PMP22: variants seen among roughly 807,000 people sequenced by gnomAD.
PMP22 encodes the protein peripheral myelin protein 22, also known as Charcot-Marie-Tooth neuropathy 1A (greatly reduced nerve conduction velocity, hereditary motor sensory neuropathy Ia).
PMP22 carries 2 observed loss-of-function variants against 18.9 expected under a neutral mutation model. The ratio of observed to expected loss-of-function variants is 0.11; its 90% CI spans 0.04 to 0.33. The LOEUF is 0.33. Ranked by LOEUF, PMP22 falls within the 10% of genes least tolerant of loss-of-function variation. The pLI, the probability that PMP22 is intolerant of heterozygous loss-of-function variation, is 1.00. For missense variants in PMP22, 169 were observed against 202.2 expected, an observed-to-expected ratio of 0.84 and a Z score of 1.00; for synonymous variants, 95 against 89.2, an observed-to-expected ratio of 1.07 and a Z score of -0.37.
chr17:15,239,789 C>T (rs1597608514), intron 3 of PMP22, among the ~76,000 whole-genome samples, 178 bp from the exon 4 acceptor site: 1 of 152,332 alleles, frequency 6.6e-6, no homozygotes, highest in East Asian at 1.9e-4. Flanking sequence ...TCTAAGAAGA[C>T]ATTCTTTATT....
In PMP22 at chr17:15,244,502, T is replaced by G. The variant is rs148304811; in HGVS notation, c.179-4891A>C. ...TATCTACTATATCCTGGAAAAACAGTGAACATATACTCAGAGGAAAATAAA... is the reference window on the plus strand; with the variant it reads ...TATCTACTATATCCTGGAAAAACAGGGAACATATACTCAGAGGAAAATAAA... On this transcript the variant is annotated intron_variant, in intron 3 of 4. Transcript: ENST00000312280. 2.3e-3 allele frequency among the ~76,000 whole-genome samples: 349 copies of G among 152,270 alleles called. 5 individuals are homozygous for G. Among genetic ancestry groups the G allele is most frequent in the Admixed American group, 0.018 (281 of 15,290 alleles).
chr17:15,231,375 C>T (rs1292861961), intron 4 of PMP22, among the ~76,000 whole-genome samples: 1 of 152,206 alleles, frequency 6.6e-6, no homozygotes, highest in African/African-American at 2.4e-5. Flanking sequence ...GGCCACACTA[C>T]ATGGCCAGCA....
chr17:15,238,805 C>A (rs779896639), intron 4 of PMP22, among the ~76,000 whole-genome samples: 2 of 152,194 alleles, frequency 1.3e-5, no homozygotes, highest in South Asian at 4.1e-4. Flanking sequence ...AAAGAGGGAA[C>A]TTGAAGACAG....
rs76651623 is a variant in PMP22, at chr17:15,258,630, C to G, written c.178+464G>C. The G allele has an allele frequency of 0.01, 2,289 of 219,588 alleles. 170 individuals carry two copies. In the East Asian group the frequency reaches 0.16, roughly 15 times the overall value. The allele number at this position is 219,588 out of a possible 1,614,324, so 13.6% of individuals were successfully genotyped here. On this transcript the variant is annotated intron_variant, in intron 3 of 4. Transcript: ENST00000312280. The surrounding 1 kb of genome is among the most constrained non-coding windows in gnomAD (Gnocchi z 4.1). ...GAGGCCCAAGACCTGGAAAGGCAGCCAGTCTTGTGTCCATGTAACTGACGG... is the reference window on the plus strand; with the variant it reads ...GAGGCCCAAGACCTGGAAAGGCAGCGAGTCTTGTGTCCATGTAACTGACGG...
Position 15,231,064 on chromosome 17 carries a change from A to G in PMP22, c.336T>C (p.Ser112=). The change falls in exon 5 of 5, where the codon AGT becomes AGC. Residue 112 remains serine (S), a synonymous_variant. Transcript: ENST00000312280. ...FQILAGLCVM[S]AAAIYTVRHP... ...GCCTCACCGTGTAGATGGCCGCAGC[A>G]CTCATCACGCACAGACCTGGGGAAG... 6.2e-7 allele frequency: 1 copy of G among 1,613,464 alleles called. No homozygotes were observed. Among genetic ancestry groups the G allele is most frequent in the South Asian group, 1.1e-5 (1 of 91,034 alleles).
chr17:15,249,531 CA>C (rs1908137638), intron 3 of PMP22, among the ~76,000 whole-genome samples: 1 of 152,142 alleles, frequency 6.6e-6, no homozygotes, highest in South Asian at 2.1e-4. Context: ...TTAGAATCCA[CA>C]AAAACTAGAG....
At chr17:15,262,749 G>A (rs1478855677) in intron 1 of PMP22, among the ~76,000 whole-genome samples, 1 of 152,322 alleles carries the variant, frequency 6.6e-6, no homozygotes, top group African/African-American at 2.4e-5. Context: ...CAAAACCGCG[G>A]CGACTTTTAC....
At chr17:15,259,275 G>A (rs1056839141) in intron 2 of PMP22, 82 bp from the exon 3 acceptor site, 2 of 1,122,532 alleles carry the variant, frequency 1.8e-6, no homozygotes, top group Admixed American at 1.8e-5. Context: ...GCCCAGGGAT[G>A]GCGAAAAGCA....
rs1906207950 is a variant in PMP22 at position 15,230,463 on chromosome 17, G to A, written c.*454C>T. 1 of 186,142 alleles carries A rather than the reference G, an allele frequency of 5.4e-6. No homozygotes were observed. The highest frequency in any genetic ancestry group is 1.1e-5 in the Non-Finnish European group (1 of 87,930). 11.5% of individuals were successfully genotyped at this position (186,142 alleles called of 1,614,324 possible). A position where few individuals can be genotyped will look rare whatever the true frequency, so the allele number is the denominator to read the frequency against. ...AGAAAAGGGCTTTTGGACATTTGGG[G>A]TTTCTACCCACACTTTGGTTTTCTA... On this transcript the variant is annotated 3_prime_UTR_variant, in exon 5 of 5. Coordinates refer to ENST00000312280, the MANE Select transcript of PMP22 (RefSeq NM_000304.4).
intron 2 of PMP22, among the ~76,000 whole-genome samples, chr17:15,259,767 C>G (rs1293597130): frequency 6.6e-6 from 1 of 150,918 alleles, no homozygotes; most frequent in Non-Finnish European, 1.5e-5. Context: ...TAGTGAAACC[C>G]CGTCTCTACT....
At chr17:15,245,108 G>A (rs1907688899) in intron 3 of PMP22, among the ~76,000 whole-genome samples, 1 of 152,100 alleles carries the variant, frequency 6.6e-6, no homozygotes, top group Admixed American at 6.5e-5. Context: ...AAAAAAAACA[G>A]AGCCCAGCCC....
At chr17:15,260,196 C>A (rs1410764424) in intron 2 of PMP22, 1 of 253,926 alleles carries the variant, frequency 3.9e-6, no homozygotes, top group African/African-American at 2.2e-5. Flanking sequence ...CGACATGGGA[C>A]CTGTGAACTC....
intron 4 of PMP22, among the ~76,000 whole-genome samples, chr17:15,231,969 G>A (rs560589430): frequency 6.6e-6 from 1 of 152,216 alleles, no homozygotes; most frequent in South Asian, 2.1e-4. Flanking sequence ...CCCCCACAAG[G>A]AGGGGTCCAG....
intron 3 of PMP22, among the ~76,000 whole-genome samples, chr17:15,257,820 G>A (rs1222019297): frequency 6.6e-6 from 1 of 152,194 alleles, no homozygotes; most frequent in African/African-American, 2.4e-5. Context: ...CAACCCAGAA[G>A]GTAAAAACAT....
chr17:15,256,924 G>A lies in PMP22; in HGVS notation c.178+2170C>T, dbSNP rs915028282. Among the ~76,000 whole-genome samples, 17 of 152,166 alleles carry A rather than the reference G, an allele frequency of 1.1e-4. 1 individual carries two copies. Among genetic ancestry groups the A allele is most frequent in the Admixed American group, 1.0e-3 (16 of 15,284 alleles). ...TAGCGGCAGAGATAACCACTACTGG[G>A]GAAGTGTAAATGGAAATTTCAAATT... On this transcript the variant is annotated intron_variant, in intron 3 of 4. Transcript: ENST00000312280.
At chr17:15,239,447 T>A (rs959325953) in intron 4 of PMP22, 24 bp downstream of exon 4, 1 of 1,614,078 alleles carries the variant, frequency 6.2e-7, no homozygotes, top group East Asian at 2.2e-5. Context: ...CGCTTCCACA[T>A]GGACTTTACC....
intron 3 of PMP22, among the ~76,000 whole-genome samples, chr17:15,249,902 G>A (rs1320745911): frequency 1.3e-5 from 2 of 152,152 alleles, no homozygotes; most frequent in African/African-American, 2.4e-5. Context: ...AAGAGGGGCA[G>A]TGTTGGGTTT....
At chr17:15,238,361 G>C (rs184462657) in intron 4 of PMP22, among the ~76,000 whole-genome samples, 2 of 152,106 alleles carry the variant, frequency 1.3e-5, no homozygotes, top group African/African-American at 4.8e-5. Flanking sequence ...CCCTATTTAC[G>C]TCAACCTTCC....
rs558210039 is a variant in PMP22, at chr17:15,231,031, C to A, written c.369G>T (p.Glu123Asp). 1 of 1,614,142 alleles carries A rather than the reference C, an allele frequency of 6.2e-7. No homozygotes were observed. Among genetic ancestry groups the A allele is most frequent in the Non-Finnish European group, 8.5e-7 (1 of 1,180,028 alleles). Residue 123 changes from glutamate to aspartate, a missense_variant, in exon 5 of 5, where the codon GAG (glutamate) becomes GAT (aspartate). Transcript: ENST00000312280. ...AAAIYTVRHPEWHLNSDYSYG... is the reference protein window; with the variant it reads ...AAAIYTVRHPDWHLNSDYSYG... ...AGGAGTAATCCGAGTTGAGATGCCACTCCGGGTGCCTCACCGTGTAGATGG... is the reference window on the plus strand; with the variant it reads ...AGGAGTAATCCGAGTTGAGATGCCAATCCGGGTGCCTCACCGTGTAGATGG...
Sources: allele counts gnomAD v4.1 joint callset (sites outside exome capture counted in the v4.1 genomes callset), GRCh38; gene constraint gnomAD v4.1.1; non-coding constraint Gnocchi (gnomAD v3.1); transcripts MANE v1.5; gene names NCBI Gene and HGNC (gene_info 2026-07-23, HGNC 2026-07-21).